The following ABLIM2 variants were observed in gnomAD, a reference collection of about 807,000 sequenced individuals.
The protein encoded by ABLIM2 is actin-binding LIM protein 2.
In ABLIM2, 53 loss-of-function variants were observed where a neutral mutation model predicts 97.7. The observed-to-expected ratio is 0.54, with a 90% CI of 0.44 to 0.68. The LOEUF (loss-of-function observed/expected upper bound fraction) is 0.68. ABLIM2 is among the 30% of genes least tolerant of loss of function. ABLIM2 has a pLI of 0.00. For synonymous variants in ABLIM2, 361 were observed against 345.8 expected, an observed-to-expected ratio of 1.04 and a Z score of -0.49; for missense variants, 835 against 867.2, an observed-to-expected ratio of 0.96 and a Z score of 0.47.
At chr4:8,088,419 T>C in intron 3 of ABLIM2, 135 bp from the exon 4 acceptor site, 1 of 669,224 alleles carries the variant, frequency 1.5e-6, no homozygotes, top group South Asian at 1.8e-5. Context: ...GCTGAGGAAA[T>C]GCAGGGCCTC....
intron 20 of ABLIM2, among the ~76,000 whole-genome samples, chr4:7,967,371 C>G (rs1005375663): frequency 2.6e-5 from 4 of 152,250 alleles, no homozygotes; most frequent in Non-Finnish European, 2.9e-5. Context: ...ACAAAGGTAT[C>G]TGCTGCTGTG....
intron 12 of ABLIM2, among the ~76,000 whole-genome samples, chr4:8,024,647 C>T (rs546728909): frequency 3.9e-5 from 6 of 152,316 alleles, no homozygotes; most frequent in African/African-American, 9.6e-5. Context: ...CAGGCACCTT[C>T]GTGTGGCCTC....
In ABLIM2 at chr4:8,122,221, C is replaced by T. The variant is rs923249354; in HGVS notation, c.11-15584G>A. Among the ~76,000 whole-genome samples the T allele has an allele frequency of 1.3e-5, 2 of 152,288 alleles. No homozygotes were observed. Among genetic ancestry groups the T allele is most frequent in the Non-Finnish European group, 2.9e-5 (2 of 68,014 alleles). ...CCAGCCTGGATGGGGAGTCTCGCTG[C>T]CCCCTGTGCATCTCCATCATATCCG... On this transcript the variant is annotated intron_variant, in intron 1 of 20. Transcript: ENST00000447017. The surrounding 1 kb of genome is among the most constrained non-coding windows in gnomAD (Gnocchi z 4.1).
chr4:8,060,355 T>G (rs4696668), intron 7 of ABLIM2, among the ~76,000 whole-genome samples: 131,452 of 152,300 alleles, frequency 0.86, 56,878 homozygotes, highest in East Asian at 1. Context: ...TGATGACACT[T>G]ATTTTTAATG....
At chr4:8,101,928 A>T (rs569131843) in intron 2 of ABLIM2, among the ~76,000 whole-genome samples, 12 of 152,244 alleles carry the variant, frequency 7.9e-5, no homozygotes, top group African/African-American at 2.9e-4. Flanking sequence ...GATCTCAAAG[A>T]CATCCAGAAT....
intron 1 of ABLIM2, among the ~76,000 whole-genome samples, chr4:8,109,560 C>T (rs114662592): frequency 2.4e-4 from 36 of 152,300 alleles, no homozygotes; most frequent in East Asian, 2.3e-3. Flanking sequence ...CGGAAGCCAC[C>T]GATCTGGCCA....
chr4:8,039,059 A>C (rs1786401120), intron 9 of ABLIM2, among the ~76,000 whole-genome samples: 1 of 151,986 alleles, frequency 6.6e-6, no homozygotes, highest in South Asian at 2.1e-4. Flanking sequence ...GTTAGTGTTG[A>C]TCTTCATCTG....
chr4:7,988,289 C>T (rs1199383189), intron 17 of ABLIM2, among the ~76,000 whole-genome samples: 1 of 152,224 alleles, frequency 6.6e-6, no homozygotes, highest in Non-Finnish European at 1.5e-5. Context: ...TCCCAAAGTG[C>T]TGGGATTACA....
At chr4:8,029,562 C>T in intron 11 of ABLIM2, 94 bp downstream of exon 11, 1 of 1,290,964 alleles carries the variant, frequency 7.7e-7, no homozygotes, top group South Asian at 2.2e-5. Flanking sequence ...AAGAAAAATG[C>T]CACTTATAAC....
Position 8,022,806 on chromosome 4 carries a change from G to A in ABLIM2, c.1268-2503C>T, listed in dbSNP as rs1401896659. On this transcript the variant is annotated intron_variant, in intron 12 of 20. Coordinates refer to ENST00000447017, the MANE Select transcript of ABLIM2 (RefSeq NM_001130083.2). This position sits in a 1 kb window ranked among gnomAD's most constrained non-coding sequence, Gnocchi z 7.8. ...TAGGCTCACATCCCAGGGGGCTTCT[G>A]ATATGCTACAGACGGGGATGCTTCA... 1 of 152,384 alleles carries A rather than the reference G, an allele frequency of 6.6e-6. No individual in the cohort carries two copies. The highest frequency in any genetic ancestry group is 6.5e-5 in the Admixed American group (1 of 15,286). 9.4% of individuals were successfully genotyped at this position (152,384 alleles called of 1,614,324 possible). A position where few individuals can be genotyped will look rare whatever the true frequency, so the allele number is the denominator to read the frequency against.
intron 1 of ABLIM2, among the ~76,000 whole-genome samples, chr4:8,110,323 G>A (rs929686461): frequency 6.6e-6 from 1 of 152,230 alleles, no homozygotes; most frequent in African/African-American, 2.4e-5. Context: ...TGAGGGAAGT[G>A]TCAGCTTCAG....
In ABLIM2 at chr4:8,073,312, G is replaced by A. The variant is rs192625636; in HGVS notation, c.675+4316C>T. Reference sequence around the variant, plus strand: ...GAGCCACCCAGGCCGTCCTCGCTGAGGTCTGGCTGCCAACTCTTTGTCAAG... The same window carrying A: ...GAGCCACCCAGGCCGTCCTCGCTGAAGTCTGGCTGCCAACTCTTTGTCAAG... On this transcript the variant is annotated intron_variant, in intron 6 of 20. Coordinates refer to ENST00000447017, the MANE Select transcript of ABLIM2 (RefSeq NM_001130083.2). Among the ~76,000 whole-genome samples, 13 of 151,474 alleles carry A rather than the reference G, an allele frequency of 8.6e-5. No homozygotes were observed. In the South Asian group the frequency reaches 1.9e-3, roughly 22 times the overall value.
In ABLIM2 at chr4:8,015,409, A is replaced by G. The variant is rs562298208; in HGVS notation, c.1423+4209T>C. 5.7e-4 allele frequency among the ~76,000 whole-genome samples: 86 copies of G among 152,154 alleles called. No individual in the cohort carries two copies. The highest frequency in any genetic ancestry group is 2.0e-3 in the African/African-American group (84 of 41,520). On this transcript the variant is annotated intron_variant, in intron 14 of 20. Transcript: ENST00000447017. The surrounding 1 kb of genome is among the most constrained non-coding windows in gnomAD (Gnocchi z 4.6). ...TGGGGAGCCTCAGTGGGGGCTTCCC[A>G]GTGCAATCCGCACTCTGGACACAGC...
chr4:8,090,100 G>A (rs1188696685), intron 3 of ABLIM2, among the ~76,000 whole-genome samples: 1 of 152,202 alleles, frequency 6.6e-6, no homozygotes, highest in Non-Finnish European at 1.5e-5. Context: ...AATACAGGCT[G>A]AGCTGAACCC....
rs1200350463 is a variant in ABLIM2 at position 8,085,156 on chromosome 4, C to G, written c.454+3013G>C. ...TGGGGCAGCAGAGGGAAGCTCAGGGCCACGGGACTCAAGCTTGAGCTCTGC... is the reference window on the plus strand; with the variant it reads ...TGGGGCAGCAGAGGGAAGCTCAGGGGCACGGGACTCAAGCTTGAGCTCTGC... On this transcript the variant is annotated intron_variant, in intron 4 of 20. Coordinates refer to ENST00000447017, the MANE Select transcript of ABLIM2 (RefSeq NM_001130083.2). This position sits in a 1 kb window ranked among gnomAD's most constrained non-coding sequence, Gnocchi z 6.1. Among the ~76,000 whole-genome samples the G allele has an allele frequency of 6.6e-6, 1 of 152,086 alleles. No homozygotes were observed. Among genetic ancestry groups the G allele is most frequent in the Non-Finnish European group, 1.5e-5 (1 of 68,004 alleles).
At position 8,127,055 on chromosome 4, in the gene ABLIM2, G is replaced by C. The variant is rs1397056861; in HGVS notation, c.11-20418C>G. 6.8e-6 allele frequency among the ~76,000 whole-genome samples: 1 copy of C among 146,100 alleles called. No homozygotes were observed. Among genetic ancestry groups the C allele is most frequent in the Admixed American group, 6.8e-5 (1 of 14,722 alleles). On this transcript the variant is annotated intron_variant, in intron 1 of 20. Transcript: ENST00000447017. The surrounding 1 kb of genome is among the most constrained non-coding windows in gnomAD (Gnocchi z 7.3). ...CACTCCAGCCTGGGTGACAGAGTGA[G>C]TCCCTGCCTCCAGAAAAAAAAAAAA...
In ABLIM2 at chr4:8,043,915, G is replaced by T. The variant is rs1029476393; in HGVS notation, c.900+1249C>A. On this transcript the variant is annotated intron_variant, in intron 9 of 20. Transcript: ENST00000447017. This position sits in a 1 kb window ranked among gnomAD's most constrained non-coding sequence, Gnocchi z 4.8. ...AGAGGCTCCAGGCGGGCGGCACCTC[G>T]CCCAGGGCATGCAGCCAACCTGGTG... is the stretch of plus-strand genomic sequence containing the variant. Among the ~76,000 whole-genome samples the T allele has an allele frequency of 4.0e-5, 6 of 151,752 alleles. No individual in the cohort carries two copies. Among genetic ancestry groups the T allele is most frequent in the African/African-American group, 1.5e-4 (6 of 41,306 alleles).
In ABLIM2 at chr4:8,071,308, T is replaced by C. The variant is rs910543874; in HGVS notation, c.675+6320A>G. Among the ~76,000 whole-genome samples the C allele has an allele frequency of 6.6e-6, 1 of 151,804 alleles. No individual in the cohort carries two copies. The highest frequency in any genetic ancestry group is 6.6e-5 in the Admixed American group (1 of 15,254). Reference sequence around the variant, plus strand: ...GGGACACAGATATCAGCCCCTCCCATGCCCCCACAGGACCCCAGCAAGGAG... The same window carrying C: ...GGGACACAGATATCAGCCCCTCCCACGCCCCCACAGGACCCCAGCAAGGAG... On this transcript the variant is annotated intron_variant, in intron 6 of 20. Transcript: ENST00000447017. The surrounding 1 kb of genome is among the most constrained non-coding windows in gnomAD (Gnocchi z 6.2).
At position 8,153,541 on chromosome 4, in the gene ABLIM2, TG is replaced by T. The variant is rs1713840737; in HGVS notation, c.10+5138del. 4.6e-5 allele frequency among the ~76,000 whole-genome samples: 7 copies of T among 152,308 alleles called. No homozygotes were observed. In the South Asian group the frequency reaches 1.5e-3, roughly 32 times the overall value. ...TGGGTCAGGGGGGTCTGGCTTCTGCTGCACCTCATTCAGAGTGGAGTCAGGC... is the reference window on the plus strand; with the variant it reads ...TGGGTCAGGGGGGTCTGGCTTCTGCTCACCTCATTCAGAGTGGAGTCAGGC... On this transcript the variant is annotated intron_variant, in intron 1 of 20. Transcript: ENST00000447017.
Sources: allele counts gnomAD v4.1 joint callset (sites outside exome capture counted in the v4.1 genomes callset), GRCh38; gene constraint gnomAD v4.1.1; non-coding constraint Gnocchi (gnomAD v3.1); transcripts MANE v1.5; gene names NCBI Gene and HGNC (gene_info 2026-07-23, HGNC 2026-07-21).